Variants in ZNF704 observed in about 807,000 individuals in gnomAD.
The protein encoded by ZNF704 is zinc finger protein 704, also known as glucocorticoid induced gene 1.
In ZNF704, 10 loss-of-function variants were observed where a neutral mutation model predicts 44.7. The observed-to-expected ratio is 0.22, with a 90% confidence interval of 0.14 to 0.38. The LOEUF (loss-of-function observed/expected upper bound fraction) is 0.38. ZNF704 is among the 10% of genes least tolerant of loss of function. The pLI, the probability that ZNF704 is intolerant of heterozygous loss-of-function variation, is 1.00. For synonymous variants in ZNF704, 211 were observed against 207.6 expected, an observed-to-expected ratio of 1.02 and a Z score of -0.14; for missense variants, 390 against 545.5, an observed-to-expected ratio of 0.71 and a Z score of 2.84.
intron 2 of ZNF704, among the ~76,000 whole-genome samples, chr8:80,775,376 A>G (rs1207161202): frequency 1.3e-5 from 2 of 152,248 alleles, no homozygotes; most frequent in Non-Finnish European, 2.9e-5. Context: ...ATAGTTAGAT[A>G]AAGCATGGAT....
At chr8:80,668,781 C>A (rs1818234443) in intron 5 of ZNF704, among the ~76,000 whole-genome samples, 1 of 152,200 alleles carries the variant, frequency 6.6e-6, no homozygotes, top group African/African-American at 2.4e-5. Flanking sequence ...CCCTCACCAG[C>A]TAATACTCAT....
chr8:80,683,719 G>A (rs1818490141), intron 4 of ZNF704, among the ~76,000 whole-genome samples: 1 of 152,170 alleles, frequency 6.6e-6, no homozygotes, highest in African/African-American at 2.4e-5. Flanking sequence ...AAAGCATTTG[G>A]TAAACTGTAA....
rs115059974 is a variant in ZNF704 at position 80,856,170 on chromosome 8, G to A, written c.-22+18401C>T. On this transcript the variant is annotated intron_variant, in intron 1 of 8. Coordinates refer to ENST00000327835, the MANE Select transcript of ZNF704 (RefSeq NM_001033723.3). ...GAAAGGGTCTTGCTTGGTTGCCGGGGCTGGTCTTGGACTCCTGGCTTCAAG... is the reference window on the plus strand; with the variant it reads ...GAAAGGGTCTTGCTTGGTTGCCGGGACTGGTCTTGGACTCCTGGCTTCAAG... Among the ~76,000 whole-genome samples, 993 of 152,160 alleles carry A rather than the reference G, an allele frequency of 6.5e-3. 10 individuals carry two copies. Among genetic ancestry groups the A allele is most frequent in the African/African-American group, 0.022 (930 of 41,516 alleles).
chr8:80,670,698 A>C (rs1294962796), intron 4 of ZNF704, 95 bp from the exon 5 acceptor site: 1 of 838,964 alleles, frequency 1.2e-6, no homozygotes, highest in African/African-American at 1.7e-5. Context: ...TCATTAGAAA[A>C]GTAGCAGCAT....
intron 2 of ZNF704, among the ~76,000 whole-genome samples, chr8:80,738,365 A>G (rs1416326853): frequency 1.3e-5 from 2 of 152,254 alleles, no homozygotes; most frequent in Admixed American, 6.5e-5. Context: ...TACACTTGGG[A>G]TTCTTTTGTA....
chr8:80,848,031 A>G (rs1467402502), intron 1 of ZNF704, among the ~76,000 whole-genome samples: 1 of 152,196 alleles, frequency 6.6e-6, no homozygotes, highest in Non-Finnish European at 1.5e-5. Flanking sequence ...ATGTCCTTCA[A>G]TGGGTGAAAA....
intron 2 of ZNF704, among the ~76,000 whole-genome samples, chr8:80,753,612 G>A (rs1416594370): frequency 6.6e-6 from 1 of 152,154 alleles, no homozygotes; most frequent in African/African-American, 2.4e-5. Context: ...AGAATGGAAT[G>A]CTTTTTTCCC....
chr8:80,849,097 A>G (rs1042227846), intron 1 of ZNF704, among the ~76,000 whole-genome samples: 1 of 152,230 alleles, frequency 6.6e-6, no homozygotes, highest in African/African-American at 2.4e-5. Flanking sequence ...GGAAGAGGTG[A>G]GTAGTAAAGT....
intron 4 of ZNF704, among the ~76,000 whole-genome samples, chr8:80,680,995 TC>T (rs1409994035): frequency 8.5e-5 from 13 of 152,346 alleles, no homozygotes; most frequent in South Asian, 2.1e-4. Flanking sequence ...TGGCTTTTTT[TC>T]CCCCTCTGCA....
intron 2 of ZNF704, among the ~76,000 whole-genome samples, chr8:80,784,746 C>T (rs536804648): frequency 1.2e-4 from 19 of 152,260 alleles, no homozygotes; most frequent in East Asian, 3.9e-4. Context: ...TTAATTTTGA[C>T]GAAGTACAGC....
chr8:80,817,322 A>G (rs918035647), intron 2 of ZNF704, among the ~76,000 whole-genome samples: 2 of 152,228 alleles, frequency 1.3e-5, no homozygotes, highest in African/African-American at 2.4e-5. Context: ...CATCTGCTGC[A>G]TTTGCGCCAA....
chr8:80,791,746 G>A (rs543447848), intron 2 of ZNF704, among the ~76,000 whole-genome samples: 1 of 152,352 alleles, frequency 6.6e-6, no homozygotes, highest in East Asian at 1.9e-4. Flanking sequence ...TTCAGCAAGG[G>A]AGCAGGGAAC....
chr8:80,671,695 G>T (rs148567020), intron 4 of ZNF704, among the ~76,000 whole-genome samples: 211 of 152,260 alleles, frequency 1.4e-3, no homozygotes, highest in African/African-American at 4.8e-3. Context: ...TGTTCACCAA[G>T]CCCCATTTCC....
intron 1 of ZNF704, among the ~76,000 whole-genome samples, chr8:80,840,474 C>A (rs572544505): frequency 4.6e-5 from 7 of 152,130 alleles, no homozygotes; most frequent in African/African-American, 1.7e-4. Flanking sequence ...AAAATGACAA[C>A]AATAATAGTA....
At chr8:80,742,198 G>A (rs960088316) in intron 2 of ZNF704, among the ~76,000 whole-genome samples, 2 of 152,184 alleles carry the variant, frequency 1.3e-5, no homozygotes, top group African/African-American at 4.8e-5. Flanking sequence ...GAAGCCAAAA[G>A]AGCTGCAAGG....
chr8:80,768,368 GA>G (rs1322634863), intron 2 of ZNF704, among the ~76,000 whole-genome samples: 1 of 152,036 alleles, frequency 6.6e-6, no homozygotes, highest in Non-Finnish European at 1.5e-5. Flanking sequence ...GGCTAAACTG[GA>G]AAAAATCAGC....
intron 4 of ZNF704, among the ~76,000 whole-genome samples, chr8:80,678,962 G>C (rs957227325): frequency 1.3e-5 from 2 of 152,136 alleles, no homozygotes; most frequent in Non-Finnish European, 2.9e-5. Flanking sequence ...CTCTCCTTCT[G>C]CCTGGCCACA....
intron 7 of ZNF704, among the ~76,000 whole-genome samples, chr8:80,649,900 G>A (rs982659719): frequency 6.6e-6 from 1 of 152,214 alleles, no homozygotes; most frequent in Non-Finnish European, 1.5e-5. Flanking sequence ...TAGCCTAACT[G>A]GGAGGCATCC....
intron 1 of ZNF704, among the ~76,000 whole-genome samples, chr8:80,852,454 T>A (rs1808881227): frequency 6.6e-6 from 1 of 152,254 alleles, no homozygotes; most frequent in South Asian, 2.1e-4. Flanking sequence ...CATTAGTTGC[T>A]TTCTTGCCTA....
Sources: allele counts gnomAD v4.1 joint callset (sites outside exome capture counted in the v4.1 genomes callset), GRCh38; gene constraint gnomAD v4.1.1; transcripts MANE v1.5; gene names NCBI Gene and HGNC (gene_info 2026-07-23, HGNC 2026-07-21).